COG8: variants seen among roughly 807,000 people sequenced by gnomAD.
The protein encoded by COG8 is conserved oligomeric Golgi complex subunit 8.
COG8 carries 45 observed loss-of-function variants against 46.5 expected under a neutral mutation model. The ratio of observed to expected loss-of-function variants is 0.97; its 90% CI spans 0.76 to 1.24. The LOEUF is 1.24. Among genes scored for constraint, COG8 ranks in the 50% most tolerant of loss-of-function variants. The probability of loss-of-function intolerance (pLI) is 0.00; values close to 1 mark genes in which losing one functional copy is unlikely to be tolerated. For missense variants in COG8, 793 were observed against 820.8 expected (o/e 0.97, Z 0.41); for synonymous variants, 407 against 347.8 (o/e 1.17, Z -1.90).
intron 4 of COG8, 124 bp from the exon 5 acceptor site, chr16:69,331,219 G>A (rs181040346): frequency 1.6e-5 from 15 of 965,052 alleles, no homozygotes; most frequent in East Asian, 8.1e-5. Flanking sequence ...AGGCCGGGGA[G>A]GGGGGGGCGG....
At position 69,334,532 on chromosome 16, in the gene COG8, C is replaced by G. The variant is rs138027779; in HGVS notation, c.1402G>C (p.Ala468Pro). Residue 468 changes from alanine (A) to proline (P), a missense_variant, in exon 3 of 6, where the codon GCC (alanine) becomes CCC (proline). Coordinates refer to ENST00000306875, the MANE Select transcript of COG8 (RefSeq NM_032382.5). Reference protein sequence around the residue: ...AQDVTGALEDALAKVTKIILA... With the variant: ...AQDVTGALEDPLAKVTKIILA... Reference sequence around the variant, plus strand: ...CAGAATGTGCTCACCTTGGCAAGGGCATCTTCCAAGGCCCCAGTCACATCC... The same window carrying G: ...CAGAATGTGCTCACCTTGGCAAGGGGATCTTCCAAGGCCCCAGTCACATCC... 1.9e-6 allele frequency: 3 copies of G among 1,614,108 alleles called. No individual in the cohort carries two copies. The East Asian group carries it at 6.7e-5, about 36-fold the overall frequency.
intron 3 of COG8, among the ~76,000 whole-genome samples, chr16:69,333,185 T>TA (rs2011995823): frequency 6.7e-6 from 1 of 149,800 alleles, no homozygotes; most frequent in East Asian, 1.9e-4. Context: ...TTTTTTTTTT[T>TA]AGAGACAGGA....
intron 5 of COG8, chr16:69,329,899 G>T: frequency 7.3e-7 from 1 of 1,366,924 alleles, no homozygotes; most frequent in Non-Finnish European, 9.5e-7. Context: ...CCTGCGGGAG[G>T]TCCGGCGTAT....
chr16:69,335,410 CT>C, intron 2 of COG8, 62 bp from the exon 3 acceptor site: 5 of 1,382,342 alleles, frequency 3.6e-6, no homozygotes, highest in Non-Finnish European at 5.0e-6. Flanking sequence ...ACCCATTCCC[CT>C]AACTCTGAAG....
rs1313895458 is a variant in COG8, at chr16:69,329,219, G to C, written c.*27-40C>G. The C allele has an allele frequency of 2.6e-6, 4 of 1,531,246 alleles. No homozygotes were observed. In the South Asian group the frequency reaches 5.0e-5, roughly 19 times the overall value. 94.9% of individuals were successfully genotyped at this position (1,531,246 alleles called of 1,614,324 possible). A position where few individuals can be genotyped will look rare whatever the true frequency, so the allele number is the denominator to read the frequency against. ...ACAGCCCTGGTGAGTGGGAACAGCTGAACTGCATCATCCTCAACCTCCCTA... is the reference window on the plus strand; with the variant it reads ...ACAGCCCTGGTGAGTGGGAACAGCTCAACTGCATCATCCTCAACCTCCCTA... On this transcript the variant is annotated intron_variant, in intron 5 of 5. Transcript: ENST00000306875.
rs967354681 is a variant in COG8 at position 69,339,045 on chromosome 16, T to G, written c.377+131A>C. 6.9e-6 allele frequency: 9 copies of G among 1,298,216 alleles called. No individual in the cohort carries two copies. The African/African-American group carries it at 1.3e-4, about 19-fold the overall frequency. The allele number at this position is 1,298,216 out of a possible 1,614,324, so 80.4% of individuals were successfully genotyped here. On this transcript the variant is annotated intron_variant, in intron 1 of 5. Transcript: ENST00000306875. ...CCTATCTCGAAGGCTGTTGTGAGGTTTAAATGGATTAATAAAGCGCTCAGC... is the reference window on the plus strand; with the variant it reads ...CCTATCTCGAAGGCTGTTGTGAGGTGTAAATGGATTAATAAAGCGCTCAGC...
intron 1 of COG8, 133 bp downstream of exon 1, chr16:69,339,043 G>A (rs760101466): frequency 9.8e-5 from 126 of 1,281,718 alleles, no homozygotes; most frequent in Non-Finnish European, 1.3e-4. Context: ...CTGTTGTGAG[G>A]TTTAAATGGA....
intron 2 of COG8, 107 bp from the exon 3 acceptor site, chr16:69,335,455 A>G (rs1414731825): frequency 1.1e-6 from 1 of 929,356 alleles, no homozygotes; most frequent in African/African-American, 1.6e-5. Context: ...CTTTCCTGAA[A>G]TGTGAAGTAA....
intron 3 of COG8, among the ~76,000 whole-genome samples, chr16:69,334,309 G>A (rs769068896): frequency 2.6e-5 from 4 of 152,180 alleles, no homozygotes; most frequent in East Asian, 3.9e-4. Flanking sequence ...GTGTATTACC[G>A]AATTGTTACT....
At chr16:69,332,905 A>G in intron 3 of COG8, 23 bp from the exon 4 acceptor site, 3 of 1,613,644 alleles carry the variant, frequency 1.9e-6, no homozygotes, top group Middle Eastern at 1.7e-4. Flanking sequence ...GGCACCGTCA[A>G]TTACTGGGAC....
At chr16:69,338,374 A>G (rs1000840290) in intron 1 of COG8, 1 of 152,214 alleles carries the variant, frequency 6.6e-6, no homozygotes, top group African/African-American at 2.4e-5. Context: ...CCAAATGGAG[A>G]GACTTTTTGA....
At chr16:69,330,163 C>A in intron 5 of COG8, 1 of 1,530,944 alleles carries the variant, frequency 6.5e-7, no homozygotes, top group Non-Finnish European at 8.7e-7. Context: ...GCTGGCGGGG[C>A]GGGCACTCCC....
Position 69,332,767 on chromosome 16 carries a change from A to T in COG8, c.1529T>A (p.Leu510Ter). Residue 510 changes from leucine to a stop codon, truncating the protein, a stop_gained, in exon 4 of 6, where the codon TTA (leucine) becomes TAA (stop). Transcript: ENST00000306875. LOFTEE classifies it high-confidence loss of function. ...TVFLEDLVPY[L>*]NRCLQVLFPP... Reference sequence around the variant, plus strand: ...AAAAAGGACTTGGAGACAGCGATTTAAATACGGAACAAGGTCTTCCAGGAA... The same window carrying T: ...AAAAAGGACTTGGAGACAGCGATTTTAATACGGAACAAGGTCTTCCAGGAA... 2 of 1,614,218 alleles carry T rather than the reference A, an allele frequency of 1.2e-6. No homozygotes were observed.
In COG8 at chr16:69,328,847, G is replaced by T; in HGVS notation, c.*359C>A. 1.2e-6 allele frequency: 1 copy of T among 846,382 alleles called. No homozygotes were observed. Among genetic ancestry groups the T allele is most frequent in the Non-Finnish European group, 1.8e-6 (1 of 559,856 alleles). The allele number at this position is 846,382 out of a possible 1,614,324, so 52.4% of individuals were successfully genotyped here. A position where few individuals can be genotyped will look rare whatever the true frequency, so the allele number is the denominator to read the frequency against. ...TGTAGCCAACATTTTGTCCGTAACT[G>T]ATTTCAGGGCAAACATTTCTGACAT... On this transcript the variant is annotated 3_prime_UTR_variant, in exon 6 of 6. Transcript: ENST00000306875.
In COG8 at chr16:69,328,829, A is replaced by G; in HGVS notation, c.*377T>C. ...TGATTTTTCTCCTCAAGTTGTAGCC[A>G]ACATTTTGTCCGTAACTGATTTCAG... On this transcript the variant is annotated 3_prime_UTR_variant, in exon 6 of 6. Transcript: ENST00000306875. 1 of 709,296 alleles carries G rather than the reference A, an allele frequency of 1.4e-6. No homozygotes were observed. The highest frequency in any genetic ancestry group is 2.1e-5 in the South Asian group (1 of 48,560). The allele number at this position is 709,296 out of a possible 1,614,324, so 43.9% of individuals were successfully genotyped here.
At position 69,328,445 on chromosome 16, in the gene COG8, C is replaced by A. The variant is rs1965669574; in HGVS notation, c.*761G>T. ...AAGAATGAGCCAAGAACCAGCTGCTCTAGGGATCTCAGCAGCAAAATCCTG... is the reference window on the plus strand; with the variant it reads ...AAGAATGAGCCAAGAACCAGCTGCTATAGGGATCTCAGCAGCAAAATCCTG... On this transcript the variant is annotated 3_prime_UTR_variant, in exon 6 of 6. Transcript: ENST00000306875. The A allele has an allele frequency of 6.5e-6, 1 of 153,472 alleles. No individual in the cohort carries two copies. 9.5% of individuals were successfully genotyped at this position (153,472 alleles called of 1,614,324 possible).
At chr16:69,336,484 C>G (rs2012211273) in intron 2 of COG8, 21 bp downstream of exon 2, 1 of 1,610,300 alleles carries the variant, frequency 6.2e-7, no homozygotes, top group African/African-American at 1.3e-5. Context: ...ACTTTGAGTC[C>G]TCTCTGGGCA....
At chr16:69,332,929 TG>T in intron 3 of COG8, 47 bp from the exon 4 acceptor site, 2 of 1,604,322 alleles carry the variant, frequency 1.2e-6, no homozygotes, top group Non-Finnish European at 1.7e-6. Context: ...CTATCACCAC[TG>T]GGACAGCAGT....
chr16:69,330,627 C>A (rs2143316040), intron 5 of COG8, 186 bp downstream of exon 5: 1 of 1,406,608 alleles, frequency 7.1e-7, no homozygotes, highest in East Asian at 2.8e-5. Flanking sequence ...GCGGGGCACG[C>A]CGGGAAGCGC....
Sources: allele counts gnomAD v4.1 joint callset (sites outside exome capture counted in the v4.1 genomes callset), GRCh38; gene constraint gnomAD v4.1.1; transcripts MANE v1.5; gene names NCBI Gene and HGNC (gene_info 2026-07-23, HGNC 2026-07-21).